AFG2A: variants seen among roughly 807,000 people sequenced by gnomAD.
AFG2A encodes the protein AAA ATPase AFG2A.
the AFG2A span, among the ~76,000 whole-genome samples, chr4:123,106,543 A>T: frequency 6.6e-6 from 1 of 152,198 alleles, no homozygotes; most frequent in African/African-American, 2.4e-5. Flanking sequence ...ACAAAGGAAA[A>T]TGTCAGCTTT....
chr4:123,028,198 G>C, the AFG2A span: 1 of 1,613,994 alleles, frequency 6.2e-7, no homozygotes, highest in Non-Finnish European at 8.5e-7. Flanking sequence ...ATCCTGGTCA[G>C]ATATAGGAGG....
the AFG2A span, among the ~76,000 whole-genome samples, chr4:123,149,660 C>T: frequency 6.6e-6 from 1 of 152,138 alleles, no homozygotes; most frequent in Non-Finnish European, 1.5e-5. Flanking sequence ...CTCACATAGG[C>T]ACACACAAAA....
chr4:123,205,256 A>C, the AFG2A span, among the ~76,000 whole-genome samples: 1 of 152,184 alleles, frequency 6.6e-6, no homozygotes, highest in Non-Finnish European at 1.5e-5. Context: ...TTAATGGTGT[A>C]GATTAGACCA....
the AFG2A span, among the ~76,000 whole-genome samples, chr4:123,211,065 T>C: frequency 6.6e-6 from 1 of 152,162 alleles, no homozygotes; most frequent in Non-Finnish European, 1.5e-5. Flanking sequence ...ATTGCATTTT[T>C]CTCAATGTCT....
the AFG2A span, among the ~76,000 whole-genome samples, chr4:123,182,331 A>C: frequency 2.6e-5 from 4 of 152,224 alleles, no homozygotes; most frequent in African/African-American, 9.6e-5. Context: ...ATAGACACTC[A>C]GTGGCTAGTT....
At chr4:122,947,427 G>C in the AFG2A span, 13 of 1,614,038 alleles carry the variant, frequency 8.1e-6, no homozygotes, top group Non-Finnish European at 1.1e-5. Context: ...AGCTGCTGCA[G>C]CTGGCAAATA....
the AFG2A span, among the ~76,000 whole-genome samples, chr4:123,288,251 T>G: frequency 6.6e-6 from 1 of 151,986 alleles, no homozygotes; most frequent in Non-Finnish European, 1.5e-5. Flanking sequence ...GAGTTGCTAA[T>G]GGGAATGAAA....
At chr4:123,245,696 T>C in the AFG2A span, among the ~76,000 whole-genome samples, 1 of 152,346 alleles carries the variant, frequency 6.6e-6, no homozygotes, top group South Asian at 2.1e-4. Context: ...ATGCATCAAG[T>C]CTTTTCTTGC....
chr4:123,199,303 C>A, the AFG2A span, among the ~76,000 whole-genome samples: 1 of 151,936 alleles, frequency 6.6e-6, no homozygotes, highest in Admixed American at 6.6e-5. Context: ...TTACATTATG[C>A]AAAATGATTT....
the AFG2A span, among the ~76,000 whole-genome samples, chr4:123,009,805 T>TA: frequency 1.3e-5 from 2 of 152,208 alleles, no homozygotes; most frequent in African/African-American, 4.8e-5. Context: ...CTAACTAAGG[T>TA]ATAATATATA....
chr4:123,205,613 C>T, the AFG2A span, among the ~76,000 whole-genome samples: 10 of 152,024 alleles, frequency 6.6e-5, no homozygotes, highest in East Asian at 1.9e-4. Context: ...AGAGGTTATA[C>T]GCAAATAACT....
chr4:123,044,773 T>G, the AFG2A span, among the ~76,000 whole-genome samples: 6 of 152,072 alleles, frequency 3.9e-5, no homozygotes, highest in East Asian at 5.8e-4. Flanking sequence ...GGATGTCATT[T>G]TTTTTTTTGT....
the AFG2A span, among the ~76,000 whole-genome samples, chr4:123,258,161 C>T: frequency 6.6e-6 from 1 of 152,150 alleles, no homozygotes. Context: ...ATTATTACAA[C>T]TTCATAGAAA....
chr4:122,923,358 C>A, the AFG2A span: 1 of 1,605,932 alleles, frequency 6.2e-7, no homozygotes, highest in Non-Finnish European at 8.5e-7. Context: ...ACCTGAGGGG[C>A]GGGAGACTCA....
At chr4:122,946,105 A>ACTAT in the AFG2A span, among the ~76,000 whole-genome samples, 1 of 152,248 alleles carries the variant, frequency 6.6e-6, no homozygotes, top group Non-Finnish European at 1.5e-5. Flanking sequence ...CAAGAGAATC[A>ACTAT]TGTATAAAAT....
the AFG2A span, among the ~76,000 whole-genome samples, chr4:123,256,480 A>G: frequency 6.6e-6 from 1 of 152,240 alleles, no homozygotes; most frequent in African/African-American, 2.4e-5. Context: ...GCTTCTTAAT[A>G]CAGCAGTTTC....
chr4:123,042,270 C>T, the AFG2A span, among the ~76,000 whole-genome samples: 1 of 152,092 alleles, frequency 6.6e-6, no homozygotes, highest in Non-Finnish European at 1.5e-5. Context: ...GATGTGGTGT[C>T]TTCTTAGGGT....
chr4:123,060,064 T>C, the AFG2A span, among the ~76,000 whole-genome samples: 1 of 152,320 alleles, frequency 6.6e-6, no homozygotes, highest in Admixed American at 6.5e-5. Context: ...CTTTGATCCA[T>C]GCCTCACATC....
the AFG2A span, among the ~76,000 whole-genome samples, chr4:122,953,597 G>A: frequency 6.6e-6 from 1 of 152,216 alleles, no homozygotes; most frequent in African/African-American, 2.4e-5. Flanking sequence ...CCCTCTGCAG[G>A]AAGGGTGGCG....
Sources: allele counts gnomAD v4.1 joint callset (sites outside exome capture counted in the v4.1 genomes callset), GRCh38; gene constraint gnomAD v4.1.1; transcripts MANE v1.5; gene names NCBI Gene and HGNC (gene_info 2026-07-23, HGNC 2026-07-21).